FOCAD: variants seen among roughly 807,000 people sequenced by gnomAD.
FOCAD encodes the protein KIAA1797.
Under a neutral mutation model 225.6 loss-of-function variants are expected in FOCAD, and 198 were observed. The observed-to-expected ratio is 0.88, with a 90% CI of 0.78 to 0.99. The LOEUF is 0.99. Ranked by LOEUF, FOCAD falls within the 50% of genes least tolerant of loss-of-function variation. FOCAD has a pLI of 0.00. For missense variants in FOCAD, 2,713 were observed against 2,123.6 expected (o/e 1.28, Z -5.46); for synonymous variants, 897 against 755.0 (o/e 1.19, Z -3.08).
At chr9:20,784,930 CT>C (rs757018310) in intron 10 of FOCAD, among the ~76,000 whole-genome samples, 65 of 124,776 alleles carry the variant, frequency 5.2e-4, no homozygotes, top group South Asian at 1.3e-3. Flanking sequence ...TTCTTTCTTT[CT>C]TTTTTTTTTT....
intron 29 of FOCAD, 143 bp from the exon 30 acceptor site, chr9:20,946,558 A>G: frequency 1.2e-6 from 1 of 807,346 alleles, no homozygotes; most frequent in Non-Finnish European, 1.9e-6. Context: ...GTTAGGCAGA[A>G]AAACAGTGCC....
In FOCAD at chr9:20,822,992, A is replaced by G. The variant is rs766624657; in HGVS notation, c.1797A>G (p.Pro599=). 11 of 1,591,464 alleles carry G rather than the reference A, an allele frequency of 6.9e-6. No individual in the cohort carries two copies. The East Asian group carries it at 1.4e-4, about 20-fold the overall frequency. The change falls in exon 15 of 44, where the codon CCA becomes CCG. Residue 599 remains proline (P), a synonymous_variant. Transcript: ENST00000338382. ...TTTAAACTTTCATTTCTTGTAGGCC[A>G]TATCAACATGGTGCAGATATGTTGG... ...ASIRDICKQR[P]YQHGADMLAA... is the part of the protein sequence containing the mutation.
chr9:20,768,494 T>G (rs1392934699), intron 7 of FOCAD, among the ~76,000 whole-genome samples: 1 of 151,760 alleles, frequency 6.6e-6, no homozygotes, highest in Non-Finnish European at 1.5e-5. Flanking sequence ...GTATCCTCTT[T>G]TATTTCCTTG....
intron 30 of FOCAD, among the ~76,000 whole-genome samples, chr9:20,947,111 T>C (rs1229940243): frequency 6.6e-6 from 1 of 152,118 alleles, no homozygotes; most frequent in Non-Finnish European, 1.5e-5. Flanking sequence ...ATAAAATATA[T>C]GGCTAGGGAA....
upstream of FOCAD, among the ~76,000 whole-genome samples, chr9:20,658,043 G>A (rs1191485551): frequency 6.1e-5 from 9 of 146,690 alleles, no homozygotes; most frequent in Non-Finnish European, 9.1e-5. Context: ...TGCCATGTGA[G>A]GTGTCAGTGT....
chr9:20,699,998 C>T (rs1823809202), intron 1 of FOCAD, among the ~76,000 whole-genome samples: 1 of 151,076 alleles, frequency 6.6e-6, no homozygotes, highest in Non-Finnish European at 1.5e-5. Flanking sequence ...TTGATATTTC[C>T]ACGCTAATAT....
At chr9:20,975,519 A>G (rs984913136) in intron 35 of FOCAD, among the ~76,000 whole-genome samples, 5 of 152,224 alleles carry the variant, frequency 3.3e-5, no homozygotes, top group Non-Finnish European at 7.4e-5. Flanking sequence ...TACATAGTCC[A>G]TAGAATGGAG....
At chr9:20,948,753 C>T in intron 31 of FOCAD, 98 bp from the exon 32 acceptor site, 1 of 1,311,440 alleles carries the variant, frequency 7.6e-7, no homozygotes. Context: ...AGTTTGGTAC[C>T]AATTCGACCA....
At chr9:20,821,997 A>C (rs1390898403) in intron 14 of FOCAD, among the ~76,000 whole-genome samples, 892 of 22,652 alleles carry the variant, frequency 0.039, 12 homozygotes, top group African/African-American at 0.12. Context: ...AAAAGTTACT[A>C]AAAAAAAAAA....
intron 11 of FOCAD, among the ~76,000 whole-genome samples, chr9:20,808,126 A>G (rs1402313840): frequency 6.6e-6 from 1 of 152,192 alleles, no homozygotes; most frequent in African/African-American, 2.4e-5. Flanking sequence ...CTGCAGTGGA[A>G]CAGAAACCTG....
chr9:20,705,933 T>TG (rs1457901600), intron 1 of FOCAD, among the ~76,000 whole-genome samples: 2 of 122,840 alleles, frequency 1.6e-5, no homozygotes, highest in African/African-American at 9.9e-5. Flanking sequence ...AGTTTTTTTT[T>TG]TTTTTTTTTT....
At position 20,907,259 on chromosome 9, in the gene FOCAD, A is replaced by G. The variant is rs1833058405; in HGVS notation, c.2718+17A>G. 6.2e-7 allele frequency: 1 copy of G among 1,605,308 alleles called. No homozygotes were observed. Among genetic ancestry groups the G allele is most frequent in the East Asian group, 2.2e-5 (1 of 44,796 alleles). On this transcript the variant is annotated intron_variant, in intron 22 of 43. Transcript: ENST00000338382. ...ATTTTACAGGTAATGAAACCACAGGATAGGTTTGCTTTGGCGAAATGTCTC... is the reference window on the plus strand; with the variant it reads ...ATTTTACAGGTAATGAAACCACAGGGTAGGTTTGCTTTGGCGAAATGTCTC...
In FOCAD at chr9:20,770,163, A is replaced by T; in HGVS notation, c.831A>T (p.Glu277Asp). 6.2e-7 allele frequency: 1 copy of T among 1,614,106 alleles called. No homozygotes were observed. The highest frequency in any genetic ancestry group is 8.5e-7 in the Non-Finnish European group (1 of 1,180,000). Residue 277 changes from glutamate (E) to aspartate (D), a missense_variant, in exon 8 of 44, where the codon GAA (glutamate) becomes GAT (aspartate). Glu to Asp is a conservative substitution (Grantham distance 45). Transcript: ENST00000338382. ...QMSLQLLCVSEVSLKITGECS... is the reference protein window; with the variant it reads ...QMSLQLLCVSDVSLKITGECS... The stretch of plus-strand genomic sequence containing the variant: ...GTCTTCAGCTGCTGTGTGTCAGTGA[A>T]GTCAGCTTAAAGATAACTGGTGAAT...
chr9:20,865,798 C>A, intron 16 of FOCAD, 128 bp from the exon 17 acceptor site: 2 of 609,554 alleles, frequency 3.3e-6, no homozygotes, highest in Admixed American at 3.3e-5. Flanking sequence ...GGTGAATACA[C>A]ATTAAGTGAA....
At chr9:20,750,306 A>G (rs1828430573) in intron 5 of FOCAD, among the ~76,000 whole-genome samples, 1 of 152,206 alleles carries the variant, frequency 6.6e-6, no homozygotes, top group South Asian at 2.1e-4. Flanking sequence ...GATTAAGAAG[A>G]CACATACCCA....
chr9:20,964,863 G>T (rs1412663890), intron 35 of FOCAD, among the ~76,000 whole-genome samples: 1 of 152,124 alleles, frequency 6.6e-6, no homozygotes, highest in Non-Finnish European at 1.5e-5. Flanking sequence ...GTTTGTTGGA[G>T]GGGAGAGAAG....
intron 2 of FOCAD, among the ~76,000 whole-genome samples, chr9:20,664,013 T>C (rs1821821191): frequency 6.6e-6 from 1 of 152,150 alleles, no homozygotes; most frequent in Non-Finnish European, 1.5e-5. Flanking sequence ...TGAGATCCAC[T>C]GAGACAGTAA....
chr9:20,925,165 G>A (rs866439463), intron 25 of FOCAD, among the ~76,000 whole-genome samples: 7 of 152,082 alleles, frequency 4.6e-5, no homozygotes, highest in Admixed American at 2.0e-4. Context: ...GAATCTTACC[G>A]ATAAGAAAGA....
At chr9:20,811,822 A>G (rs541856286) in intron 11 of FOCAD, among the ~76,000 whole-genome samples, 3 of 64,448 alleles carry the variant, frequency 4.7e-5, no homozygotes, top group African/African-American at 1.0e-4. Flanking sequence ...ATCACTTATC[A>G]TGTCATTTTT....
Sources: allele counts gnomAD v4.1 joint callset (sites outside exome capture counted in the v4.1 genomes callset), GRCh38; gene constraint gnomAD v4.1.1; transcripts MANE v1.5; gene names NCBI Gene and HGNC (gene_info 2026-07-23, HGNC 2026-07-21).